The following CAD variants were observed in gnomAD, a reference collection of about 807,000 sequenced individuals.
The protein encoded by CAD is carbamoyl-phosphate synthetase 2, aspartate transcarbamylase, and dihydroorotase, also known as multifunctional protein CAD.
Under a neutral mutation model 237.2 loss-of-function variants are expected in CAD, and 81 were observed. That is an observed-to-expected ratio of 0.34 (90% CI 0.29 to 0.41). CAD has a LOEUF of 0.41. Among genes scored for constraint, CAD ranks in the 10% least tolerant of loss-of-function variants. The pLI is 1.00. For missense variants in CAD, 2,181 were observed against 2,951.7 expected (o/e 0.74, Z 6.05); for synonymous variants, 1,196 against 1,162.8 (o/e 1.03, Z -0.58).
At position 27,242,839 on chromosome 2, in the gene CAD, G is replaced by T; in HGVS notation, c.6379-33G>T. 1 of 1,612,734 alleles carries T rather than the reference G, an allele frequency of 6.2e-7. No homozygotes were observed. Among genetic ancestry groups the T allele is most frequent in the East Asian group, 2.2e-5 (1 of 44,880 alleles). ...GTGGGTTGGGCAGTCAGAGCCCAGCGCTGCATCCACCATGGCTCTCCTCAC... is the reference window on the plus strand; with the variant it reads ...GTGGGTTGGGCAGTCAGAGCCCAGCTCTGCATCCACCATGGCTCTCCTCAC... On this transcript the variant is annotated intron_variant, in intron 41 of 43. Coordinates refer to ENST00000264705, the MANE Select transcript of CAD (RefSeq NM_004341.5). This position sits in a 1 kb window ranked among gnomAD's most constrained non-coding sequence, Gnocchi z 6.4.
chr2:27,230,044 C>A (rs62130679), intron 15 of CAD, among the ~76,000 whole-genome samples: 2,100 of 151,170 alleles, frequency 0.014, 25 homozygotes, highest in South Asian at 0.024. Flanking sequence ...TCGAGACCAG[C>A]CTGGCCAACA....
In CAD at chr2:27,240,240, C is replaced by A; in HGVS notation, c.5497-25C>A. ...TCTCAAAAGAAAAAAAAAAAAACAA[C>A]TCTGGGCCAACGTTATCCCTCCAGA... On this transcript the variant is annotated intron_variant, in intron 34 of 43. Transcript: ENST00000264705. This position sits in a 1 kb window ranked among gnomAD's most constrained non-coding sequence, Gnocchi z 4.6. The A allele has an allele frequency of 2.6e-6, 4 of 1,527,610 alleles. No individual in the cohort carries two copies. Among genetic ancestry groups the A allele is most frequent in the East Asian group, 2.3e-5 (1 of 44,398 alleles). 94.6% of individuals were successfully genotyped at this position (1,527,610 alleles called of 1,614,324 possible).
At chr2:27,220,484 ACAAAAAATT>A (rs146241883) in intron 2 of CAD, among the ~76,000 whole-genome samples, 13,810 of 151,568 alleles carry the variant, frequency 0.091, 1,751 homozygotes, top group African/African-American at 0.29. Flanking sequence ...CGCTGTCACT[ACAAAAAATT>A]CAAAAAATTA....
chr2:27,241,509 C>T lies in CAD; in HGVS notation c.5883+113C>T. 3.1e-6 allele frequency: 3 copies of T among 975,402 alleles called. No homozygotes were observed. The highest frequency in any genetic ancestry group is 4.9e-6 in the Non-Finnish European group (3 of 616,978). 60.4% of individuals were successfully genotyped at this position (975,402 alleles called of 1,614,324 possible). A position where few individuals can be genotyped will look rare whatever the true frequency, so the allele number is the denominator to read the frequency against. On this transcript the variant is annotated intron_variant, in intron 38 of 43. Transcript: ENST00000264705. This position sits in a 1 kb window ranked among gnomAD's most constrained non-coding sequence, Gnocchi z 4.6. The stretch of plus-strand genomic sequence containing the variant: ...CTTCCTCCCCCTGCCATCCCGTCCC[C>T]TTATGCTAGTCCATCCCTCTGCTGC...
intron 12 of CAD, 57 bp from the exon 13 acceptor site, chr2:27,226,074 C>G (rs1675433829): frequency 2.6e-6 from 4 of 1,553,434 alleles, no homozygotes; most frequent in South Asian, 2.2e-5. Context: ...TGGGGTGCAG[C>G]CTTCTGCCTC....
At chr2:27,217,786 A>G in intron 1 of CAD, 91 bp from the exon 2 acceptor site, 1 of 1,490,656 alleles carries the variant, frequency 6.7e-7, no homozygotes, top group East Asian at 2.4e-5. Flanking sequence ...ACCCCTCGCG[A>G]CCAAGGCAGC....
Position 27,242,832 on chromosome 2 carries a change from GC to G in CAD, c.6379-37del, listed in dbSNP as rs773326583. The G allele has an allele frequency of 1.2e-6, 2 of 1,613,814 alleles. No homozygotes were observed. ...TGGAGATGTGGGTTGGGCAGTCAGA[GC>G]CCAGCGCTGCATCCACCATGGCTCT... On this transcript the variant is annotated intron_variant, in intron 41 of 43. Transcript: ENST00000264705. The surrounding 1 kb of genome is among the most constrained non-coding windows in gnomAD (Gnocchi z 6.4).
chr2:27,226,568 C>T lies in CAD; in HGVS notation c.2075C>T (p.Ala692Val). The T allele has an allele frequency of 6.2e-7, 1 of 1,614,108 alleles. No individual in the cohort carries two copies. The highest frequency in any genetic ancestry group is 8.5e-7 in the Non-Finnish European group (1 of 1,179,954). Reference sequence around the variant, plus strand: ...AATGCCAGGCTCTCTCGCAGCTCTGCCCTGGCCAGTAAGGCCACAGGTTAT... The same window carrying T: ...AATGCCAGGCTCTCTCGCAGCTCTGTCCTGGCCAGTAAGGCCACAGGTTAT... The part of the protein sequence containing the change: ...EVNARLSRSS[A>V]LASKATGYPL... Residue 692 changes from alanine to valine, a missense_variant, in exon 14 of 44, where the codon GCC becomes GTC. Ala to Val is a moderately conservative substitution (Grantham distance 64, BLOSUM62 0). This residue lies in a region of CAD where 385 missense variants were observed against 535.1 expected (regional missense o/e 0.72). Coordinates refer to ENST00000264705, the MANE Select transcript of CAD (RefSeq NM_004341.5).
chr2:27,230,881 T>G (rs930593322), intron 15 of CAD, among the ~76,000 whole-genome samples: 1 of 152,256 alleles, frequency 6.6e-6, no homozygotes, highest in Admixed American at 6.5e-5. Flanking sequence ...GGGGATATAT[T>G]CCAGTATCCC....
rs1572444335 is a variant in CAD, at chr2:27,235,783, T to C, written c.4074+143T>C. On this transcript the variant is annotated intron_variant, in intron 25 of 43. Transcript: ENST00000264705. The surrounding 1 kb of genome is among the most constrained non-coding windows in gnomAD (Gnocchi z 5.2). ...AGGAGGCTAAGGCAGGAGAATCTCT[T>C]GAGCCCAGGAGGTAGAGGCTGCAGT... 1 of 673,496 alleles carries C rather than the reference T, an allele frequency of 1.5e-6. No individual in the cohort carries two copies. The highest frequency in any genetic ancestry group is 2.5e-6 in the Non-Finnish European group (1 of 395,196). The allele number at this position is 673,496 out of a possible 1,614,324, so 41.7% of individuals were successfully genotyped here.
In CAD at chr2:27,240,739, C is replaced by T; in HGVS notation, c.5594-172C>T. 8.2e-7 allele frequency: 1 copy of T among 1,214,718 alleles called. No individual in the cohort carries two copies. Among genetic ancestry groups the T allele is most frequent in the East Asian group, 2.6e-5 (1 of 39,146 alleles). 75.2% of individuals were successfully genotyped at this position (1,214,718 alleles called of 1,614,324 possible). A position where few individuals can be genotyped will look rare whatever the true frequency, so the allele number is the denominator to read the frequency against. ...CATACAACACAGCCCCATGGGAAGC[C>T]ACCTGTCTGTCCCCAGAGCTGCTGC... On this transcript the variant is annotated intron_variant, in intron 35 of 43. Coordinates refer to ENST00000264705, the MANE Select transcript of CAD (RefSeq NM_004341.5). The surrounding 1 kb of genome is among the most constrained non-coding windows in gnomAD (Gnocchi z 4.6).
At position 27,223,600 on chromosome 2, in the gene CAD, G is replaced by A. The variant is rs890088134; in HGVS notation, c.847G>A (p.Val283Met). ...AGGCCATAACCAGCCCTGCTTGTTG[G>A]TGGGCTCTGGGCGCTGCTTTCTGAC... ...NRGHNQPCLLVGSGRCFLTSQ... is the reference protein window; with the variant it reads ...NRGHNQPCLLMGSGRCFLTSQ... The change falls in exon 7 of 44, where the codon GTG (valine) becomes ATG (methionine). Residue 283 changes from valine to methionine, a missense_variant. By Grantham distance (21) the Val-to-Met change is conservative (BLOSUM62 1). This residue lies in a region of CAD where 129 missense variants were observed against 143.3 expected (regional missense o/e 0.90). Transcript: ENST00000264705. The A allele has an allele frequency of 2.3e-5, 37 of 1,613,524 alleles. No homozygotes were observed. Among genetic ancestry groups the A allele is most frequent in the Non-Finnish European group, 3.1e-5 (36 of 1,180,034 alleles).
chr2:27,237,813 C>G lies in CAD; in HGVS notation c.4659C>G (p.Ala1553=). ...TGGGCACCGTGGCCGGGTCTGCAGC[C>G]GGGCTGAAGCTTTACCTCAATGAGA... ...GTLGTVAGSA[A]GLKLYLNETF... The change falls in exon 29 of 44, where the codon GCC becomes GCG. Residue 1553 remains alanine, a synonymous_variant. Transcript: ENST00000264705. The surrounding 1 kb of genome is among the most constrained non-coding windows in gnomAD (Gnocchi z 4.0). 1 of 1,614,220 alleles carries G rather than the reference C, an allele frequency of 6.2e-7. No homozygotes were observed. Among genetic ancestry groups the G allele is most frequent in the Non-Finnish European group, 8.5e-7 (1 of 1,180,046 alleles).
Position 27,235,829 on chromosome 2 carries a change from GT to G in CAD, c.4074+190del. 1 of 552,192 alleles carries G rather than the reference GT, an allele frequency of 1.8e-6. No individual in the cohort carries two copies. Among genetic ancestry groups the G allele is most frequent in the Non-Finnish European group, 3.2e-6 (1 of 311,286 alleles). 34.2% of individuals were successfully genotyped at this position (552,192 alleles called of 1,614,324 possible). A position where few individuals can be genotyped will look rare whatever the true frequency, so the allele number is the denominator to read the frequency against. On this transcript the variant is annotated intron_variant, in intron 25 of 43. Coordinates refer to ENST00000264705, the MANE Select transcript of CAD (RefSeq NM_004341.5). The surrounding 1 kb of genome is among the most constrained non-coding windows in gnomAD (Gnocchi z 5.2). The stretch of plus-strand genomic sequence containing the variant: ...GCAGTGAGCTGCGAGTGTGCAGTGA[GT>G]GCACCACTGCACTCCAGCTTGGGAA...
Position 27,235,124 on chromosome 2 carries a change from G to A in CAD, c.3787-121G>A. The A allele has an allele frequency of 3.5e-6, 3 of 867,994 alleles. No individual in the cohort carries two copies. Among genetic ancestry groups the A allele is most frequent in the South Asian group, 3.8e-5 (2 of 53,098 alleles). 53.8% of individuals were successfully genotyped at this position (867,994 alleles called of 1,614,324 possible). A position where few individuals can be genotyped will look rare whatever the true frequency, so the allele number is the denominator to read the frequency against. On this transcript the variant is annotated intron_variant, in intron 23 of 43. Transcript: ENST00000264705. The surrounding 1 kb of genome is among the most constrained non-coding windows in gnomAD (Gnocchi z 5.2). Reference sequence around the variant, plus strand: ...TTTGGAAAGCAGGAGGGCACACAGAGAGGGCAGGCTGACCCTGCCATTCAG... The same window carrying A: ...TTTGGAAAGCAGGAGGGCACACAGAAAGGGCAGGCTGACCCTGCCATTCAG...
In CAD at chr2:27,225,143, A is replaced by G; in HGVS notation, c.1520A>G (p.Glu507Gly). The G allele has an allele frequency of 6.2e-7, 1 of 1,614,094 alleles. No homozygotes were observed. Among genetic ancestry groups the G allele is most frequent in the African/African-American group, 1.3e-5 (1 of 75,016 alleles). ...YGVRVLGTPV[E>G]TIELTEDRRA... ...GTCCGGGTCCTGGGCACACCAGTGG[A>G]GACCATTGAGCTGACCGAGGATCGA... Residue 507 changes from glutamate (E) to glycine (G), a missense_variant, in exon 11 of 44, where the codon GAG becomes GGG. Around this residue, in one of 12 missense-constraint regions of CAD, gnomAD observed 174 missense variants for 215.8 expected, o/e 0.81. Coordinates refer to ENST00000264705, the MANE Select transcript of CAD (RefSeq NM_004341.5).
At position 27,226,887 on chromosome 2, in the gene CAD, G is replaced by C. The variant is rs772590129; in HGVS notation, c.2212G>C (p.Val738Leu). The C allele has an allele frequency of 3.7e-6, 6 of 1,614,048 alleles. No individual in the cohort carries two copies. The Admixed American group carries it at 1.0e-4, about 27-fold the overall frequency. The change falls in exon 15 of 44, where the codon GTG becomes CTG. Residue 738 changes from valine to leucine, a missense_variant. By Grantham distance (32) the Val-to-Leu change is conservative. Transcript: ENST00000264705. ...AFEPSVDYCV[V>L]KIPRWDLSKF... ...TGAACCCAGCGTGGATTATTGTGTG[G>C]TGAAGATTCCTCGATGGGACCTTAG...
intron 15 of CAD, among the ~76,000 whole-genome samples, chr2:27,230,818 G>C (rs1322179390): frequency 6.6e-6 from 1 of 152,158 alleles, no homozygotes; most frequent in African/African-American, 2.4e-5. Flanking sequence ...CCAATAACTG[G>C]ACAGCCATCA....
In CAD at chr2:27,238,427, C is replaced by A. The variant is rs1676130412; in HGVS notation, c.4861-4C>A. The A allele has an allele frequency of 6.4e-7, 1 of 1,565,828 alleles. No individual in the cohort carries two copies. Among genetic ancestry groups the A allele is most frequent in the Admixed American group, 1.8e-5 (1 of 54,382 alleles). On this transcript the variant is annotated splice_region_variant and splice_polypyrimidine_tract_variant and intron_variant, in intron 30 of 43. Coordinates refer to ENST00000264705, the MANE Select transcript of CAD (RefSeq NM_004341.5). ...CTCTTCTGGATCTTCCCATTGTTCC[C>A]CAGATCCTGCTAATTAAAGCTGCAA...
Sources: gnomAD v4.1 joint callset for allele counts (sites outside exome capture counted in the v4.1 genomes callset) on GRCh38, gnomAD v4.1.1 for gene constraint, gnomAD v4.1.1 regional missense constraint, Gnocchi (gnomAD v3.1) non-coding constraint, MANE v1.5 for transcripts, NCBI Gene and HGNC (gene_info 2026-07-23, HGNC 2026-07-21) for gene names.